The following FRMD1 variants were observed in gnomAD, a reference collection of about 807,000 sequenced individuals.
The protein encoded by FRMD1 is FERM domain containing 1.
A neutral mutation model predicts 54.9 loss-of-function variants in FRMD1; 51 were observed. That is an observed-to-expected ratio of 0.93 (90% CI 0.74 to 1.17). FRMD1 has a LOEUF of 1.17. Among genes scored for constraint, FRMD1 ranks in the 50% most tolerant of loss-of-function variants. FRMD1 has a pLI of 0.00. For synonymous variants in FRMD1, 324 were observed against 306.4 expected, an observed-to-expected ratio of 1.06 and a Z score of -0.60; for missense variants, 729 against 743.0, an observed-to-expected ratio of 0.98 and a Z score of 0.22.
intron 4 of FRMD1, chr6:168,066,477 G>A (rs1800030899): frequency 5.8e-6 from 6 of 1,036,420 alleles, no homozygotes; most frequent in Non-Finnish European, 7.3e-6. Context: ...CAGCCTGGGC[G>A]ACAAGAGTGA....
chr6:168,072,553 G>A (rs1299610934), intron 2 of FRMD1, among the ~76,000 whole-genome samples: 1 of 152,242 alleles, frequency 6.6e-6, no homozygotes, highest in Non-Finnish European at 1.5e-5. Flanking sequence ...GCAGAGTGGA[G>A]CGCGGACCAG....
chr6:168,065,292 A>T, intron 4 of FRMD1: 1 of 1,306,962 alleles, frequency 7.7e-7, no homozygotes, highest in Non-Finnish European at 9.7e-7. Context: ...CCACTAGATG[A>T]GGCTCCACCT....
chr6:168,082,449 CA>C (rs545039819), upstream of FRMD1, among the ~76,000 whole-genome samples: 120 of 152,344 alleles, frequency 7.9e-4, no homozygotes, highest in African/African-American at 2.8e-3. Flanking sequence ...GGAAGGAGCC[CA>C]GGGGTGCCCG....
At position 168,053,311 on chromosome 6, in the gene FRMD1, G is replaced by A. The variant is rs1799321353; in HGVS notation, c.*3786C>T. On this transcript the variant is annotated 3_prime_UTR_variant, in exon 11 of 11. Transcript: ENST00000283309. Reference sequence around the variant, plus strand: ...AGAACGGTCATGGGCCCGGCTGCAGGACCGGCATTGCCTACCACGTCCAGC... The same window carrying A: ...AGAACGGTCATGGGCCCGGCTGCAGAACCGGCATTGCCTACCACGTCCAGC... The A allele has an allele frequency of 6.6e-6, 1 of 152,268 alleles. No homozygotes were observed. 9.4% of individuals were successfully genotyped at this position (152,268 alleles called of 1,614,324 possible). A position where few individuals can be genotyped will look rare whatever the true frequency, so the allele number is the denominator to read the frequency against.
rs756102403 is a variant in FRMD1 at position 168,060,786 on chromosome 6, G to T, written c.1317C>A (p.His439Gln). The stretch of plus-strand genomic sequence containing the variant: ...CTTGGCTGTCACCACGTGTGCTGGG[G>T]TGGCTGCGGCTGGTCCTGGGGCTGG... Reference protein sequence around the residue: ...PSSSPRTSRSHPSTRGDSQAT... With the variant: ...PSSSPRTSRSQPSTRGDSQAT... Residue 439 changes from histidine to glutamine, a missense_variant, in exon 9 of 11, where the codon CAC becomes CAA. By Grantham distance (24) the His-to-Gln change is conservative. Transcript: ENST00000283309. The T allele has an allele frequency of 3.7e-6, 6 of 1,611,584 alleles. No homozygotes were observed. In the South Asian group the frequency reaches 6.6e-5, roughly 18 times the overall value.
upstream of FRMD1, among the ~76,000 whole-genome samples, chr6:168,085,539 C>T (rs11755017): frequency 0.08 from 12,241 of 152,278 alleles, 657 homozygotes; most frequent in East Asian, 0.19. Flanking sequence ...CTCCCCAGGA[C>T]GGGCCACTGG....
chr6:168,058,425 G>C (rs1446268948), intron 10 of FRMD1, among the ~76,000 whole-genome samples: 1 of 151,834 alleles, frequency 6.6e-6, no homozygotes, highest in Admixed American at 6.6e-5. Context: ...AGCCTCCCGT[G>C]CCCAGCCCTC....
chr6:168,063,505 T>C, intron 6 of FRMD1, 96 bp downstream of exon 6: 1 of 1,363,452 alleles, frequency 7.3e-7, no homozygotes, highest in Non-Finnish European at 9.6e-7. Flanking sequence ...CATCCATCCC[T>C]GCCCTGGGGT....
upstream of FRMD1, chr6:168,081,770 G>C (rs1219182801): frequency 1.2e-5 from 5 of 426,944 alleles, no homozygotes; most frequent in Admixed American, 1.5e-4. Flanking sequence ...AGCATCTTCG[G>C]GGCCAGGGAG....
intron 2 of FRMD1, among the ~76,000 whole-genome samples, chr6:168,072,436 C>T (rs1280856939): frequency 6.6e-6 from 1 of 152,232 alleles, no homozygotes; most frequent in Non-Finnish European, 1.5e-5. Context: ...TCAACCACAG[C>T]GACCCGCCCT....
intron 7 of FRMD1, 25 bp from the exon 8 acceptor site, chr6:168,062,006 C>A (rs761271182): frequency 6.4e-7 from 1 of 1,573,182 alleles, no homozygotes; most frequent in Admixed American, 1.8e-5. Context: ...GAGAAGTTGC[C>A]ACTCCACAGG....
chr6:168,060,918 A>T lies in FRMD1; in HGVS notation c.1185T>A (p.Ser395Arg). The change falls in exon 9 of 11, where the codon AGT becomes AGA. Residue 395 changes from serine to arginine, a missense_variant. Physicochemically the swap from Ser to Arg is moderately radical, Grantham distance 110. Transcript: ENST00000283309. ...TGGCCTTGATGCCTGACGTGTAGGA[A>T]CTGCCGTGGCTGTCGGCGGAGTGGC... ...LSRHSADSHGSSYTSGIKANS... is the reference protein window; with the variant it reads ...LSRHSADSHGRSYTSGIKANS... 6.2e-7 allele frequency: 1 copy of T among 1,613,760 alleles called. No individual in the cohort carries two copies.
At chr6:168,066,702 C>G in intron 4 of FRMD1, 53 bp downstream of exon 4, 2 of 1,561,718 alleles carry the variant, frequency 1.3e-6, no homozygotes, top group Non-Finnish European at 1.7e-6. Context: ...CCACGTCATG[C>G]GGCAGATTTT....
intron 1 of FRMD1, chr6:168,075,987 A>T (rs1007635465): frequency 6.8e-6 from 7 of 1,032,620 alleles, no homozygotes; most frequent in South Asian, 4.6e-5. Flanking sequence ...GGCGTCTCGC[A>T]TGTGACACTA....
intron 1 of FRMD1, among the ~76,000 whole-genome samples, chr6:168,086,571 A>G (rs930658589): frequency 1.3e-5 from 1 of 77,790 alleles, no homozygotes; most frequent in Non-Finnish European, 3.4e-5. Context: ...CCACGTGCCC[A>G]GTGTGGACAC....
intron 7 of FRMD1, 86 bp from the exon 8 acceptor site, chr6:168,062,067 GC>G: frequency 3.5e-6 from 5 of 1,417,236 alleles, no homozygotes; most frequent in Admixed American, 2.2e-5. Flanking sequence ...GTCAGCCATG[GC>G]CCCCAGGGGG....
intron 1 of FRMD1, 69 bp downstream of exon 1, chr6:168,078,813 C>CTCTGTTTACTCCCAA: frequency 7.5e-7 from 1 of 1,331,054 alleles, no homozygotes; most frequent in South Asian, 1.5e-5. Flanking sequence ...CTCACCCCCA[C>CTCTGTTTACTCCCAA]GGCCACCCGG....
chr6:168,063,851 C>A, intron 5 of FRMD1, 95 bp from the exon 6 acceptor site: 1 of 1,399,978 alleles, frequency 7.1e-7, no homozygotes, highest in Non-Finnish European at 9.5e-7. Flanking sequence ...CAGACTCCCA[C>A]AGCTGGTGCC....
chr6:168,067,556 T>G (rs1243708425), intron 2 of FRMD1, 110 bp from the exon 3 acceptor site: 1 of 693,904 alleles, frequency 1.4e-6, no homozygotes, highest in Non-Finnish European at 2.5e-6. Context: ...AGCTGAAAAC[T>G]GTGCGTCTGC....
Sources: gnomAD v4.1 joint callset for allele counts (sites outside exome capture counted in the v4.1 genomes callset) on GRCh38, gnomAD v4.1.1 for gene constraint, MANE v1.5 for transcripts, NCBI Gene and HGNC (gene_info 2026-07-23, HGNC 2026-07-21) for gene names.